PPP1R21: variants seen among roughly 807,000 people sequenced by gnomAD.
The protein encoded by PPP1R21 is protein phosphatase 1 regulatory subunit 21.
A neutral mutation model predicts 112.8 loss-of-function variants in PPP1R21; 85 were observed. That is an observed-to-expected ratio of 0.75 (90% CI 0.63 to 0.90). PPP1R21 has a LOEUF of 0.90. PPP1R21 is among the 40% of genes least tolerant of loss of function. The pLI is 0.00. For missense variants in PPP1R21, 1,199 were observed against 901.5 expected, an observed-to-expected ratio of 1.33 and a Z score of -4.23; for synonymous variants, 381 against 322.3, an observed-to-expected ratio of 1.18 and a Z score of -1.95.
Position 48,514,718 on chromosome 2 carries a change from A to T in PPP1R21, c.2317A>T (p.Asn773Tyr). The T allele has an allele frequency of 6.2e-7, 1 of 1,605,220 alleles. No individual in the cohort carries two copies. Among genetic ancestry groups the T allele is most frequent in the Non-Finnish European group, 8.5e-7 (1 of 1,173,322 alleles). Residue 773 changes from asparagine (N) to tyrosine (Y), a missense_variant, in exon 22 of 22, where the codon AAT (asparagine) becomes TAT (tyrosine). By Grantham distance (143) the Asn-to-Tyr change is moderately radical. Coordinates refer to ENST00000294952, the MANE Select transcript of PPP1R21 (RefSeq NM_001135629.3). ...GTTGATATTTTTCTTTGCACAGGGG[A>T]ATTCTAAAAAGAACAAGAGTCGATA... ...IDTLKMSSKGNSKKNKSR is the reference protein window; with the variant it reads ...IDTLKMSSKGYSKKNKSR
intron 1 of PPP1R21, chr2:48,441,492 A>C: frequency 1.0e-5 from 2 of 196,972 alleles, no homozygotes; most frequent in Non-Finnish European, 1.1e-5. Flanking sequence ...CATTCGGGTA[A>C]ACTGCTTCAC....
At position 48,494,239 on chromosome 2, in the gene PPP1R21, CAAAAAAAAAAAAAAAAA is replaced by C. The variant is rs70943345; in HGVS notation, c.1600-1417_1600-1401del. 3.3e-4 allele frequency among the ~76,000 whole-genome samples: 14 copies of C among 42,268 alleles called. No individual in the cohort carries two copies. The East Asian group carries it at 8.3e-3, about 25-fold the overall frequency. 27.7% of individuals were successfully genotyped at this position (42,268 alleles called of 152,430 possible). On this transcript the variant is annotated intron_variant, in intron 15 of 21. Transcript: ENST00000294952. ...AGGGCGACAAAGTGAGACCTTGTCT[CAAAAAAAAAAAAAAAAA>C]AAAAAAAAAAAAAAAAAAAAAAGTC...
intron 21 of PPP1R21, among the ~76,000 whole-genome samples, chr2:48,513,209 C>CTT (rs370261888): frequency 6.8e-6 from 1 of 146,818 alleles, no homozygotes; most frequent in African/African-American, 2.5e-5. Flanking sequence ...TTTCCTCTGA[C>CTT]TTTTTTTTTT....
chr2:48,500,491 A>G (rs1670060934), intron 17 of PPP1R21, among the ~76,000 whole-genome samples: 1 of 152,210 alleles, frequency 6.6e-6, no homozygotes, highest in Non-Finnish European at 1.5e-5. Flanking sequence ...ATGGGGGGAA[A>G]AAACCCAAGA....
Position 48,491,088 on chromosome 2 carries a change from G to A in PPP1R21, c.1517G>A (p.Ser506Asn), listed in dbSNP as rs1474286644. Residue 506 changes from serine (S) to asparagine (N), a missense_variant, in exon 15 of 22, where the codon AGT becomes AAT. Coordinates refer to ENST00000294952, the MANE Select transcript of PPP1R21 (RefSeq NM_001135629.3). Reference protein sequence around the residue: ...ASLSYGPKAASGFISPLSAEC... With the variant: ...ASLSYGPKAANGFISPLSAEC... ...CTGAGCTATGGACCTAAGGCAGCGAGTGGATTCATTAGTCCTCTTTCAGCT... is the reference window on the plus strand; with the variant it reads ...CTGAGCTATGGACCTAAGGCAGCGAATGGATTCATTAGTCCTCTTTCAGCT... 1.9e-6 allele frequency: 3 copies of A among 1,614,128 alleles called. No homozygotes were observed. The highest frequency in any genetic ancestry group is 4.5e-5 in the East Asian group (2 of 44,884).
intron 1 of PPP1R21, among the ~76,000 whole-genome samples, chr2:48,449,394 A>C (rs1667383019): frequency 6.6e-6 from 1 of 152,228 alleles, no homozygotes; most frequent in African/African-American, 2.4e-5. Flanking sequence ...TCTATAGACC[A>C]TATAGCTGGT....
At chr2:48,467,778 G>A (rs1313610842) in intron 9 of PPP1R21, among the ~76,000 whole-genome samples, 3 of 152,180 alleles carry the variant, frequency 2.0e-5, no homozygotes, top group Non-Finnish European at 4.4e-5. Context: ...ATGTGAGAGG[G>A]TAGTACACAA....
At chr2:48,449,597 A>G (rs1667390295) in intron 1 of PPP1R21, among the ~76,000 whole-genome samples, 1 of 152,130 alleles carries the variant, frequency 6.6e-6, no homozygotes, top group Non-Finnish European at 1.5e-5. Context: ...ATCTTAGCTA[A>G]ATTTTCCATT....
intron 11 of PPP1R21, 40 bp from the exon 12 acceptor site, chr2:48,474,643 G>T: frequency 6.4e-7 from 1 of 1,569,396 alleles, no homozygotes; most frequent in Non-Finnish European, 8.6e-7. Context: ...ATTGAAAATC[G>T]TTTGGGATGC....
Position 48,471,292 on chromosome 2 carries a change from A to T in PPP1R21, c.1013A>T (p.Lys338Ile). ...TTTCTTTTCCAGGAGACAACTGTGAAATTGAAAACTTTTTCAGAACACTTA... is the reference window on the plus strand; with the variant it reads ...TTTCTTTTCCAGGAGACAACTGTGATATTGAAAACTTTTTCAGAACACTTA... ...DTVTVLETTV[K>I]LKTFSEHLTS... The change falls in exon 11 of 22, where the codon AAA (lysine) becomes ATA (isoleucine). Residue 338 changes from lysine to isoleucine, a missense_variant. Lys to Ile is a moderately radical substitution (Grantham distance 102). Transcript: ENST00000294952. 6.2e-7 allele frequency: 1 copy of T among 1,611,616 alleles called. No individual in the cohort carries two copies. Among genetic ancestry groups the T allele is most frequent in the Non-Finnish European group, 8.5e-7 (1 of 1,179,010 alleles).
intron 14 of PPP1R21, 53 bp from the exon 15 acceptor site, chr2:48,490,965 T>A (rs1375397736): frequency 6.8e-6 from 10 of 1,476,796 alleles, no homozygotes; most frequent in Non-Finnish European, 9.5e-6. Flanking sequence ...AGATATATAT[T>A]TTAGATATAT....
intron 15 of PPP1R21, among the ~76,000 whole-genome samples, chr2:48,492,843 A>G (rs887500054): frequency 6.6e-6 from 1 of 152,270 alleles, no homozygotes; most frequent in African/African-American, 2.4e-5. Context: ...GTTTGCCTGT[A>G]GTAGAAATAT....
chr2:48,491,166 GA>G lies in PPP1R21; in HGVS notation c.1598del (p.Lys533SerfsTer56). 1 of 1,610,348 alleles carries G rather than the reference GA, an allele frequency of 6.2e-7. No individual in the cohort carries two copies. Among genetic ancestry groups the G allele is most frequent in the Non-Finnish European group, 8.5e-7 (1 of 1,178,966 alleles). ...GCTGCTGCCTATATGAAGTCTTTGA[GA>G]AAGGTTTGTTAGCTGCTGTTAATAT... ...KKAAAYMKSL[R>X]KPLLESVPYE... On this transcript the variant is annotated frameshift_variant, in exon 15 of 22. Transcript: ENST00000294952. LOFTEE classifies it high-confidence loss of function.
At position 48,514,588 on chromosome 2, in the gene PPP1R21, C is replaced by G. The variant is rs575110656; in HGVS notation, c.2314-127C>G. 4 of 720,834 alleles carry G rather than the reference C, an allele frequency of 5.5e-6. No homozygotes were observed. The Admixed American group carries it at 6.9e-5, about 12-fold the overall frequency. 44.7% of individuals were successfully genotyped at this position (720,834 alleles called of 1,614,324 possible). On this transcript the variant is annotated intron_variant, in intron 21 of 21. Transcript: ENST00000294952. ...AAAGTTAACAATGCAAGGTTATCAG[C>G]TATTCTCCTTTTTGGAAGCTAGTGT...
chr2:48,501,860 C>A (rs1434035721), intron 17 of PPP1R21: 3 of 151,566 alleles, frequency 2.0e-5, no homozygotes, highest in Admixed American at 6.6e-5. Context: ...TTACTGCTTG[C>A]CTTACTGAGG....
chr2:48,442,283 A>G (rs1667063447), intron 1 of PPP1R21, among the ~76,000 whole-genome samples: 1 of 152,176 alleles, frequency 6.6e-6, no homozygotes, highest in African/African-American at 2.4e-5. Flanking sequence ...TTCATGATCA[A>G]CACCTGTGAA....
At chr2:48,495,799 T>A in intron 16 of PPP1R21, 28 bp downstream of exon 16, 1 of 1,287,484 alleles carries the variant, frequency 7.8e-7, no homozygotes, top group Non-Finnish European at 1.1e-6. Context: ...TTATGGAAAT[T>A]GTTAAAGAAC....
At chr2:48,459,575 A>G (rs567735534) in intron 4 of PPP1R21, among the ~76,000 whole-genome samples, 179 bp from the exon 5 acceptor site, 54 of 152,352 alleles carry the variant, frequency 3.5e-4, no homozygotes, top group Non-Finnish European at 2.5e-4. Context: ...GTAAAGAGGA[A>G]TAACAGTAGC....
intron 17 of PPP1R21, among the ~76,000 whole-genome samples, chr2:48,501,203 A>G (rs543555967): frequency 1.2e-3 from 186 of 152,372 alleles, no homozygotes; most frequent in African/African-American, 4.3e-3. Flanking sequence ...CCATCCAAAT[A>G]GCATTTAAGA....
Sources: gnomAD v4.1 joint callset for allele counts (sites outside exome capture counted in the v4.1 genomes callset) on GRCh38, gnomAD v4.1.1 for gene constraint, MANE v1.5 for transcripts, NCBI Gene and HGNC (gene_info 2026-07-23, HGNC 2026-07-21) for gene names.